The following NFATC1 variants were observed in gnomAD, a reference collection of about 807,000 sequenced individuals.
NFATC1 encodes nuclear factor of activated T cells 1.
NFATC1 carries 22 observed loss-of-function variants against 76.0 expected under a neutral mutation model. The observed-to-expected ratio is 0.29, with a 90% CI of 0.21 to 0.41. The LOEUF (loss-of-function observed/expected upper bound fraction) is 0.41. Ranked by LOEUF, NFATC1 falls within the 10% of genes least tolerant of loss-of-function variation. The pLI, the probability that NFATC1 is intolerant of heterozygous loss-of-function variation, is 1.00. For synonymous variants in NFATC1, 704 were observed against 613.1 expected, an observed-to-expected ratio of 1.15 and a Z score of -2.19; for missense variants, 1,357 against 1,337.7, an observed-to-expected ratio of 1.01 and a Z score of -0.23.
intron 8 of NFATC1, among the ~76,000 whole-genome samples, chr18:79,483,057 G>A (rs2089351746): frequency 7.5e-6 from 1 of 132,628 alleles, no homozygotes; most frequent in Non-Finnish European, 1.6e-5. Flanking sequence ...ACCTGGTCCT[G>A]GGGTGTCACT....
At chr18:79,520,053 G>A (rs1298004554) in intron 9 of NFATC1, among the ~76,000 whole-genome samples, 2 of 152,212 alleles carry the variant, frequency 1.3e-5, no homozygotes, top group Non-Finnish European at 2.9e-5. Flanking sequence ...AGGAGAGGGG[G>A]CGTTTTGACC....
intron 6 of NFATC1, among the ~76,000 whole-genome samples, chr18:79,455,760 TCCCACGGCCGC>T (rs2087683909): frequency 2.6e-5 from 3 of 116,592 alleles, no homozygotes; most frequent in African/African-American, 1.5e-4. Flanking sequence ...GGCCGCCCCA[TCCCACGGCCGC>T]CCCATCCCAC....
intron 2 of NFATC1, among the ~76,000 whole-genome samples, chr18:79,413,630 T>C (rs889681936): frequency 2.0e-5 from 3 of 152,254 alleles, no homozygotes; most frequent in Non-Finnish European, 4.4e-5. Context: ...TATGTGAGTT[T>C]GCGGGGAGCA....
rs907568561 is a variant in NFATC1 at position 79,446,583 on chromosome 18, T to C, written c.1387-2199T>C. On this transcript the variant is annotated intron_variant, in intron 3 of 9. Transcript: ENST00000427363. ...AGAGAGTTAAGGTATCTCGGGAAGT[T>C]CATTAACTTGGCAAACGGCTGGAGT... 5.3e-5 allele frequency among the ~76,000 whole-genome samples: 8 copies of C among 152,144 alleles called. No individual in the cohort carries two copies. The South Asian group carries it at 1.0e-3, about 20-fold the overall frequency.
At chr18:79,437,463 C>T (rs1053675297) in intron 3 of NFATC1, among the ~76,000 whole-genome samples, 2 of 152,198 alleles carry the variant, frequency 1.3e-5, no homozygotes, top group Non-Finnish European at 2.9e-5. Flanking sequence ...CACCAGTTCT[C>T]GGTGGGCCGG....
chr18:79,514,054 C>T (rs2090323223), intron 9 of NFATC1, among the ~76,000 whole-genome samples: 1 of 152,200 alleles, frequency 6.6e-6, no homozygotes, highest in Non-Finnish European at 1.5e-5. Flanking sequence ...TGGCAGGTTC[C>T]TCCAGGCGCT....
intron 1 of NFATC1, chr18:79,400,307 C>T (rs1041899011): frequency 7.7e-7 from 1 of 1,291,138 alleles, no homozygotes; most frequent in South Asian, 2.0e-5. Flanking sequence ...TCACGTTACG[C>T]GGAGGACGCG....
At chr18:79,499,066 G>A (rs1420254760) in intron 9 of NFATC1, among the ~76,000 whole-genome samples, 4 of 152,188 alleles carry the variant, frequency 2.6e-5, no homozygotes, top group Non-Finnish European at 5.9e-5. Context: ...AATTACATAG[G>A]TGAATTAAAA....
chr18:79,467,216 C>T (rs2088545233), intron 7 of NFATC1, among the ~76,000 whole-genome samples: 1 of 152,224 alleles, frequency 6.6e-6, no homozygotes, highest in African/African-American at 2.4e-5. Flanking sequence ...TGGCACAGAG[C>T]ATCCAGGGCT....
chr18:79,521,876 T>G (rs2090601826), intron 9 of NFATC1, among the ~76,000 whole-genome samples: 1 of 39,960 alleles, frequency 2.5e-5, no homozygotes, highest in Non-Finnish European at 4.4e-5. Context: ...TGTGTCTGTG[T>G]GTGTGGGGGG....
chr18:79,445,516 G>A (rs2087170313), intron 3 of NFATC1, among the ~76,000 whole-genome samples: 1 of 152,234 alleles, frequency 6.6e-6, no homozygotes, highest in Admixed American at 6.5e-5. Flanking sequence ...TGTGGGTGAT[G>A]AGGATTCCAG....
chr18:79,457,815 C>T (rs546776175), intron 6 of NFATC1, among the ~76,000 whole-genome samples: 89 of 152,302 alleles, frequency 5.8e-4, no homozygotes, highest in African/African-American at 2.0e-3. Flanking sequence ...CCCATCCTGC[C>T]GGCTGTGGTG....
chr18:79,431,439 A>G (rs139468696), intron 2 of NFATC1, among the ~76,000 whole-genome samples: 22 of 149,678 alleles, frequency 1.5e-4, no homozygotes, highest in African/African-American at 5.4e-4. Context: ...TGCCATCTCA[A>G]CCTCCCCTGG....
chr18:79,508,566 G>A (rs954848962), intron 9 of NFATC1, among the ~76,000 whole-genome samples: 3 of 152,070 alleles, frequency 2.0e-5, no homozygotes, highest in East Asian at 1.9e-4. Context: ...ATAAACGCAC[G>A]GAGGGTCTGA....
chr18:79,506,154 G>A (rs8099113), intron 9 of NFATC1, among the ~76,000 whole-genome samples: 9,704 of 152,250 alleles, frequency 0.064, 410 homozygotes, highest in Admixed American at 0.097. Flanking sequence ...TTTTGTTAAT[G>A]CAAGAAAAAG....
intron 9 of NFATC1, among the ~76,000 whole-genome samples, chr18:79,517,285 T>C: frequency 6.6e-6 from 1 of 152,278 alleles, no homozygotes; most frequent in East Asian, 1.9e-4. Flanking sequence ...ATACTTTTTA[T>C]AATTATCTCT....
chr18:79,483,846 CGTG>C (rs1404692161), intron 8 of NFATC1, among the ~76,000 whole-genome samples: 8 of 136,204 alleles, frequency 5.9e-5, no homozygotes, highest in Non-Finnish European at 1.2e-4. Flanking sequence ...TCCAGCGTGA[CGTG>C]GTTCCTGGGG....
At chr18:79,479,531 G>A (rs1364068727) in intron 8 of NFATC1, among the ~76,000 whole-genome samples, 1 of 152,254 alleles carries the variant, frequency 6.6e-6, no homozygotes, top group East Asian at 1.9e-4. Context: ...CCCAGGTGCA[G>A]TATGTTCGTG....
At chr18:79,441,667 C>T (rs1236929963) in intron 3 of NFATC1, among the ~76,000 whole-genome samples, 3 of 152,074 alleles carry the variant, frequency 2.0e-5, no homozygotes, top group African/African-American at 7.2e-5. Context: ...GCGCTCCTGC[C>T]GCTTGGTGTC....
Sources: allele counts gnomAD v4.1 joint callset (sites outside exome capture counted in the v4.1 genomes callset), GRCh38; gene constraint gnomAD v4.1.1; transcripts MANE v1.5; gene names NCBI Gene and HGNC (gene_info 2026-07-23, HGNC 2026-07-21).